KRABD5: variants seen among roughly 807,000 people sequenced by gnomAD.
KRABD5 encodes the protein KRAB domain containing 5.
At chr16:31,735,398 C>T in the KRABD5 span, among the ~76,000 whole-genome samples, 985 of 152,162 alleles carry the variant, frequency 6.5e-3, 9 homozygotes, top group African/African-American at 0.023. Flanking sequence ...GTTTTTGACA[C>T]GTTGATTTCC....
At chr16:31,734,382 T>TAGC in the KRABD5 span, among the ~76,000 whole-genome samples, 2 of 151,804 alleles carry the variant, frequency 1.3e-5, no homozygotes, top group Non-Finnish European at 1.5e-5. Flanking sequence ...CCCCAAGTCG[T>TAGC]TAGGACTACA....
chr16:31,753,837 T>C, the KRABD5 span: 1 of 1,550,370 alleles, frequency 6.5e-7, no homozygotes, highest in Non-Finnish European at 8.7e-7. Context: ...AAAAGTGATA[T>C]TGGATGGATA....
At chr16:31,713,293 A>AC in the KRABD5 span, 2 of 1,227,694 alleles carry the variant, frequency 1.6e-6, no homozygotes, top group Non-Finnish European at 2.3e-6. Context: ...CAGTCTCTTC[A>AC]CCAGGGGCTC....
the KRABD5 span, among the ~76,000 whole-genome samples, chr16:31,737,055 A>G: frequency 2.0e-3 from 305 of 152,322 alleles, 16 homozygotes; most frequent in South Asian, 0.058. Flanking sequence ...TATAGAAGGT[A>G]TGTATCTCAA....
chr16:31,753,778 A>T, the KRABD5 span: 6 of 1,495,256 alleles, frequency 4.0e-6, no homozygotes, highest in Non-Finnish European at 5.3e-6. Flanking sequence ...ATCTTTTCTC[A>T]TGATACTCAA....
the KRABD5 span, among the ~76,000 whole-genome samples, chr16:31,729,526 G>A: frequency 2.6e-5 from 4 of 152,168 alleles, no homozygotes; most frequent in African/African-American, 9.7e-5. Flanking sequence ...AGCTCTCATG[G>A]CCTAATCACT....
chr16:31,736,001 C>T, the KRABD5 span, among the ~76,000 whole-genome samples: 2 of 152,066 alleles, frequency 1.3e-5, no homozygotes, highest in Admixed American at 1.3e-4. Flanking sequence ...AGTATTTGCC[C>T]TGTTTTCATC....
the KRABD5 span, among the ~76,000 whole-genome samples, chr16:31,734,731 C>CT: frequency 6.6e-6 from 1 of 151,314 alleles, no homozygotes; most frequent in Non-Finnish European, 1.5e-5. Context: ...CTTATATCAG[C>CT]TTTTTTTTCC....
the KRABD5 span, among the ~76,000 whole-genome samples, chr16:31,744,813 T>G: frequency 6.8e-6 from 1 of 148,062 alleles, no homozygotes; most frequent in Non-Finnish European, 1.5e-5. Flanking sequence ...TATTAGTCTA[T>G]TCAGGGATTC....
the KRABD5 span, among the ~76,000 whole-genome samples, chr16:31,752,061 G>C: frequency 6.6e-6 from 1 of 152,146 alleles, no homozygotes; most frequent in Non-Finnish European, 1.5e-5. Flanking sequence ...CATTTCTGTG[G>C]TTTTGAGAGA....
the KRABD5 span, chr16:31,723,268 C>G: frequency 1.2e-6 from 2 of 1,613,682 alleles, no homozygotes; most frequent in East Asian, 2.2e-5. Context: ...GTCTCGCTGT[C>G]TCTAAGCCGG....
chr16:31,755,371 A>G, the KRABD5 span: 3 of 504,874 alleles, frequency 5.9e-6, no homozygotes, highest in Non-Finnish European at 8.1e-6. Context: ...TTCATACCGG[A>G]GAGAAACCCT....
chr16:31,713,497 C>T, the KRABD5 span: 9 of 1,568,898 alleles, frequency 5.7e-6, no homozygotes, highest in African/African-American at 6.8e-5. Flanking sequence ...GCGGCGGGAA[C>T]CCTCTTTGAG....
At chr16:31,753,831 G>A in the KRABD5 span, 3 of 1,549,422 alleles carry the variant, frequency 1.9e-6, no homozygotes, top group Non-Finnish European at 2.6e-6. Flanking sequence ...ATTCCAAAAA[G>A]TGATATTGGA....
chr16:31,759,193 G>T, the KRABD5 span: 2 of 660,190 alleles, frequency 3.0e-6, no homozygotes, highest in Non-Finnish European at 4.9e-6. Context: ...CAACCAAAAT[G>T]TCCATTAATA....
chr16:31,720,461 A>G, the KRABD5 span, among the ~76,000 whole-genome samples: 5 of 152,216 alleles, frequency 3.3e-5, no homozygotes, highest in African/African-American at 1.2e-4. Context: ...GTGTATGCAT[A>G]TTGAAGCTTG....
At chr16:31,722,593 A>G in the KRABD5 span, 2 of 1,609,206 alleles carry the variant, frequency 1.2e-6, no homozygotes, top group Non-Finnish European at 1.7e-6. Flanking sequence ...GCCCATGGCC[A>G]CATGGTCAAT....
the KRABD5 span, among the ~76,000 whole-genome samples, chr16:31,735,736 A>G: frequency 1.5e-4 from 23 of 152,278 alleles, no homozygotes; most frequent in African/African-American, 5.5e-4. Flanking sequence ...AATGTCTATG[A>G]AGGTCTGTGG....
chr16:31,754,145 T>A, the KRABD5 span: 1 of 695,048 alleles, frequency 1.4e-6, no homozygotes, highest in Non-Finnish European at 2.6e-6. Context: ...CAAATAATCA[T>A]TTAAACCAAT....
Sources: allele counts gnomAD v4.1 joint callset (sites outside exome capture counted in the v4.1 genomes callset), GRCh38; gene constraint gnomAD v4.1.1; transcripts MANE v1.5; gene names NCBI Gene and HGNC (gene_info 2026-07-23, HGNC 2026-07-21).